Variants in FAM227B observed in about 807,000 individuals in gnomAD.
FAM227B encodes the protein protein FAM227B.
In FAM227B, 88 loss-of-function variants were observed where a neutral mutation model predicts 73.8. That is an observed-to-expected ratio of 1.19 (90% CI 1.00 to 1.42). The LOEUF is 1.42. FAM227B is among the 40% of genes most tolerant of loss of function. FAM227B has a pLI of 0.00. For missense variants in FAM227B, 632 were observed against 590.9 expected, an observed-to-expected ratio of 1.07 and a Z score of -0.72; for synonymous variants, 210 against 190.5, an observed-to-expected ratio of 1.10 and a Z score of -0.84.
In FAM227B at chr15:49,455,537, T is replaced by C. The variant is rs558749511; in HGVS notation, c.1012+52674A>G. On this transcript the variant is annotated intron_variant, in intron 11 of 15. Coordinates refer to ENST00000299338, the MANE Select transcript of FAM227B (RefSeq NM_152647.3). The stretch of plus-strand genomic sequence containing the variant: ...ACTACTCTGAAAAAGATAAGACAAA[T>C]ACTCTTTACTGAATTTCTGGGTAGG... 1.5e-4 allele frequency among the ~76,000 whole-genome samples: 23 copies of C among 152,282 alleles called. No individual in the cohort carries two copies. In the South Asian group the frequency reaches 4.3e-3, roughly 29 times the overall value.
intron 11 of FAM227B, among the ~76,000 whole-genome samples, chr15:49,473,084 A>G (rs761847414): frequency 1.7e-4 from 26 of 152,166 alleles, no homozygotes; most frequent in Non-Finnish European, 3.2e-4. Flanking sequence ...GCATACTGTA[A>G]TCTTTTTTCA....
At chr15:49,358,285 G>A (rs1433484974) in intron 13 of FAM227B, among the ~76,000 whole-genome samples, 62 of 134,512 alleles carry the variant, frequency 4.6e-4, no homozygotes, top group African/African-American at 1.7e-3. Context: ...TAGGAAAAGA[G>A]GAAGTCAAAT....
intron 12 of FAM227B, among the ~76,000 whole-genome samples, chr15:49,368,588 G>A (rs986976174): frequency 5.9e-5 from 9 of 152,136 alleles, no homozygotes; most frequent in Non-Finnish European, 1.3e-4. Context: ...TTTCTATGAT[G>A]TAAATCACTC....
chr15:49,395,350 T>C (rs1243325749), intron 11 of FAM227B, among the ~76,000 whole-genome samples: 2 of 152,100 alleles, frequency 1.3e-5, no homozygotes, highest in Non-Finnish European at 2.9e-5. Context: ...TCCACTTCAA[T>C]AATGAGAAAA....
At chr15:49,424,628 A>C in intron 11 of FAM227B, 2 of 1,413,614 alleles carry the variant, frequency 1.4e-6, no homozygotes, top group Non-Finnish European at 1.9e-6. Context: ...CAATCTGTTA[A>C]TGGATCAATT....
rs1050564129 is a variant in FAM227B, at chr15:49,439,534, G to C, written c.1013-68135C>G. On this transcript the variant is annotated intron_variant, in intron 11 of 15. Transcript: ENST00000299338. ...ACCATGCATGGTTTTTGCATCTGAA[G>C]AATTTTTAGTCAAGTTGAAATTCTA... 2.0e-5 allele frequency among the ~76,000 whole-genome samples: 3 copies of C among 151,788 alleles called. No homozygotes were observed. The East Asian group carries it at 5.9e-4, about 30-fold the overall frequency.
chr15:49,524,473 A>G (rs1176471001), intron 10 of FAM227B, among the ~76,000 whole-genome samples: 1 of 152,170 alleles, frequency 6.6e-6, no homozygotes, highest in Admixed American at 6.5e-5. Flanking sequence ...CCCAGGCAGA[A>G]GTTTGCTGCA....
intron 3 of FAM227B, among the ~76,000 whole-genome samples, chr15:49,609,313 G>T (rs1481460397): frequency 1.3e-5 from 2 of 151,670 alleles, no homozygotes; most frequent in South Asian, 2.1e-4. Flanking sequence ...TACAACAGGA[G>T]ATAGGAAGAG....
intron 11 of FAM227B, chr15:49,424,561 C>T: frequency 6.3e-7 from 1 of 1,590,654 alleles, no homozygotes; most frequent in Non-Finnish European, 8.6e-7. Context: ...TAAAAGGGAC[C>T]CAAGAGATGA....
At chr15:49,613,584 CA>C (rs1216058373) in intron 2 of FAM227B, among the ~76,000 whole-genome samples, 4 of 152,030 alleles carry the variant, frequency 2.6e-5, no homozygotes, top group African/African-American at 9.7e-5. Flanking sequence ...CTATAGTCAA[CA>C]ATAATTTACT....
Position 49,463,208 on chromosome 15 carries a change from C to T in FAM227B, c.1012+45003G>A, listed in dbSNP as rs150943692. On this transcript the variant is annotated intron_variant, in intron 11 of 15. Transcript: ENST00000299338. ...TGCCAATTTATCTCCCACACTGCTGCTAGAAGTATTTTTCTAAACTTTTCA... is the reference window on the plus strand; with the variant it reads ...TGCCAATTTATCTCCCACACTGCTGTTAGAAGTATTTTTCTAAACTTTTCA... Among the ~76,000 whole-genome samples the T allele has an allele frequency of 9.4e-4, 143 of 152,274 alleles. 4 individuals are homozygous for T. The East Asian group carries it at 0.021, about 22-fold the overall frequency.
chr15:49,432,431 A>G (rs1172334343), intron 11 of FAM227B, among the ~76,000 whole-genome samples: 1 of 151,680 alleles, frequency 6.6e-6, no homozygotes, highest in East Asian at 1.9e-4. Flanking sequence ...TACTAATGAG[A>G]ATTTTTAAAA....
intron 14 of FAM227B, among the ~76,000 whole-genome samples, chr15:49,333,754 T>A (rs2039224788): frequency 6.6e-6 from 1 of 152,226 alleles, no homozygotes; most frequent in Non-Finnish European, 1.5e-5. Context: ...TACTTCTTAT[T>A]CTGCACGTGC....
intron 11 of FAM227B, among the ~76,000 whole-genome samples, chr15:49,454,721 T>C (rs1419332794): frequency 6.6e-6 from 1 of 152,202 alleles, no homozygotes; most frequent in Non-Finnish European, 1.5e-5. Flanking sequence ...GCGATTCTCC[T>C]GCCTCAGCCT....
At chr15:49,331,078 GAT>G (rs1328440356) in intron 15 of FAM227B, 1 of 152,240 alleles carries the variant, frequency 6.6e-6, no homozygotes, top group Non-Finnish European at 1.5e-5. Flanking sequence ...GTAGGAATTT[GAT>G]TTGATCCATT....
rs576185097 is a variant in FAM227B at position 49,422,993 on chromosome 15, A to C, written c.1013-51594T>G. Reference sequence around the variant, plus strand: ...ATAATACAACTGCTATATTGCAAAGAAGGTTTAAAAAATTCCCTTTCCCCT... The same window carrying C: ...ATAATACAACTGCTATATTGCAAAGCAGGTTTAAAAAATTCCCTTTCCCCT... On this transcript the variant is annotated intron_variant, in intron 11 of 15. Transcript: ENST00000299338. 9 of 285,616 alleles carry C rather than the reference A, an allele frequency of 3.2e-5. 1 individual carries two copies. The highest frequency in any genetic ancestry group is 1.9e-4 in the African/African-American group (9 of 46,296). The allele number at this position is 285,616 out of a possible 1,614,324, so 17.7% of individuals were successfully genotyped here.
chr15:49,388,591 A>G (rs2047020848), intron 11 of FAM227B, among the ~76,000 whole-genome samples: 1 of 151,716 alleles, frequency 6.6e-6, no homozygotes, highest in Non-Finnish European at 1.5e-5. Flanking sequence ...AATTTATAAC[A>G]AAGATCCCAA....
intron 13 of FAM227B, among the ~76,000 whole-genome samples, chr15:49,357,563 C>G (rs1195244661): frequency 6.6e-6 from 1 of 151,496 alleles, no homozygotes; most frequent in Non-Finnish European, 1.5e-5. Flanking sequence ...CTGAACAGAC[C>G]AATAACAGGA....
At chr15:49,438,008 G>A (rs144576015) in intron 11 of FAM227B, among the ~76,000 whole-genome samples, 317 of 151,766 alleles carry the variant, frequency 2.1e-3, no homozygotes, top group South Asian at 6.6e-3. Context: ...GGGGAAGGGA[G>A]TCAGAAGAAA....
Sources: allele counts gnomAD v4.1 joint callset (sites outside exome capture counted in the v4.1 genomes callset), GRCh38; gene constraint gnomAD v4.1.1; transcripts MANE v1.5; gene names NCBI Gene and HGNC (gene_info 2026-07-23, HGNC 2026-07-21).